Variants in NCKAP5 observed in about 807,000 individuals in gnomAD.
The protein encoded by NCKAP5 is NCK associated protein 5.
NCKAP5 carries 92 observed loss-of-function variants against 167.0 expected under a neutral mutation model. The observed-to-expected ratio is 0.55, with a 90% CI of 0.47 to 0.66. The LOEUF (loss-of-function observed/expected upper bound fraction) is 0.66. Ranked by LOEUF, NCKAP5 falls within the 30% of genes least tolerant of loss-of-function variation. The pLI is 0.00. For missense variants in NCKAP5, 2,378 were observed against 2,315.0 expected, an observed-to-expected ratio of 1.03 and a Z score of -0.56; for synonymous variants, 891 against 877.4, an observed-to-expected ratio of 1.02 and a Z score of -0.27.
chr2:132,736,365 GT>G (rs889371385), intron 16 of NCKAP5, among the ~76,000 whole-genome samples: 44 of 152,102 alleles, frequency 2.9e-4, no homozygotes, highest in Admixed American at 3.3e-4. Flanking sequence ...TCTGAAGCCA[GT>G]TTTTTTTCTC....
Position 133,082,584 on chromosome 2 carries a change from C to T in NCKAP5, c.341+47394G>A, listed in dbSNP as rs546308897. Reference sequence around the variant, plus strand: ...TGCCAGCATTTCCATCTTTCTTACCCACTTCTGCCATGTTGAAGCTCAGCT... The same window carrying T: ...TGCCAGCATTTCCATCTTTCTTACCTACTTCTGCCATGTTGAAGCTCAGCT... On this transcript the variant is annotated intron_variant, in intron 6 of 19. Coordinates refer to ENST00000409261, the MANE Select transcript of NCKAP5 (RefSeq NM_207363.3). Among the ~76,000 whole-genome samples, 262 of 152,196 alleles carry T rather than the reference C, an allele frequency of 1.7e-3. 1 individual carries two copies. Among genetic ancestry groups the T allele is most frequent in the African/African-American group, 5.8e-3 (240 of 41,534 alleles).
chr2:133,385,631 C>A (rs1686894854), intron 3 of NCKAP5, among the ~76,000 whole-genome samples: 1 of 152,112 alleles, frequency 6.6e-6, no homozygotes, highest in East Asian at 1.9e-4. Context: ...GGTACCAGCC[C>A]CTCCTTGTAC....
intron 3 of NCKAP5, among the ~76,000 whole-genome samples, chr2:133,415,087 G>T (rs756674142): frequency 3.9e-5 from 6 of 152,194 alleles, no homozygotes; most frequent in South Asian, 2.1e-4. Flanking sequence ...GTCTCAGATT[G>T]ATTCAGTTTG....
chr2:133,369,213 G>C (rs1194280418), intron 3 of NCKAP5, among the ~76,000 whole-genome samples: 2 of 152,230 alleles, frequency 1.3e-5, no homozygotes. Context: ...GAATGTTCCA[G>C]AAGTGGCATG....
chr2:132,825,809 C>T (rs931374071), intron 11 of NCKAP5, among the ~76,000 whole-genome samples: 5 of 152,238 alleles, frequency 3.3e-5, no homozygotes, highest in Non-Finnish European at 7.3e-5. Flanking sequence ...TCTTACACAA[C>T]ATACTTATGT....
chr2:133,018,626 T>C (rs1353245633), intron 6 of NCKAP5, among the ~76,000 whole-genome samples: 1 of 152,222 alleles, frequency 6.6e-6, no homozygotes, highest in African/African-American at 2.4e-5. Context: ...CACCTAGAAC[T>C]GTGCACAGCA....
intron 2 of NCKAP5, among the ~76,000 whole-genome samples, chr2:133,547,112 G>A (rs1686771467): frequency 2.6e-5 from 4 of 152,212 alleles, no homozygotes; most frequent in African/African-American, 2.4e-5. Flanking sequence ...AAAGAAAGGG[G>A]TGACGGACGC....
At chr2:133,612,091 T>C in the NCKAP5 span, among the ~76,000 whole-genome samples, 1 of 152,146 alleles carries the variant, frequency 6.6e-6, no homozygotes, top group South Asian at 2.1e-4. Flanking sequence ...CTGGCTGCCA[T>C]TGATAGGATA....
At chr2:132,711,527 C>T (rs576531995) in intron 19 of NCKAP5, among the ~76,000 whole-genome samples, 62 of 152,304 alleles carry the variant, frequency 4.1e-4, no homozygotes, top group African/African-American at 1.4e-3. Flanking sequence ...ACTCCAAAAC[C>T]TTTTTGAACA....
At chr2:133,666,043 G>A in the NCKAP5 span, among the ~76,000 whole-genome samples, 2 of 151,890 alleles carry the variant, frequency 1.3e-5, no homozygotes, top group Non-Finnish European at 2.9e-5. Flanking sequence ...TTTAATGGAA[G>A]TACTTTCTAG....
chr2:132,774,150 T>C (rs1376154782), intron 15 of NCKAP5, among the ~76,000 whole-genome samples: 2 of 152,220 alleles, frequency 1.3e-5, no homozygotes, highest in Non-Finnish European at 2.9e-5. Context: ...ACCTCATTTC[T>C]GAAGGAGAGA....
intron 7 of NCKAP5, among the ~76,000 whole-genome samples, chr2:132,984,819 A>T (rs573798841): frequency 9.2e-5 from 14 of 151,740 alleles, no homozygotes; most frequent in African/African-American, 3.1e-4. Context: ...AAGTAAGGTC[A>T]AAGTTCAAGG....
At chr2:133,317,161 G>C (rs1028278482) in intron 3 of NCKAP5, among the ~76,000 whole-genome samples, 7 of 151,940 alleles carry the variant, frequency 4.6e-5, no homozygotes, top group African/African-American at 1.2e-4. Flanking sequence ...GAACATGAAA[G>C]CAAACCAAAA....
chr2:132,695,296 T>A (rs897590525), intron 19 of NCKAP5, among the ~76,000 whole-genome samples: 1 of 152,278 alleles, frequency 6.6e-6, no homozygotes, highest in South Asian at 2.1e-4. Flanking sequence ...AAAAAAAGTC[T>A]GTTATTTTCT....
At chr2:132,976,542 T>A (rs1573610800) in intron 7 of NCKAP5, among the ~76,000 whole-genome samples, 1 of 130,176 alleles carries the variant, frequency 7.7e-6, no homozygotes, top group Non-Finnish European at 1.5e-5. Context: ...CCAGCCTGGG[T>A]GACAGAGCGA....
intron 4 of NCKAP5, among the ~76,000 whole-genome samples, chr2:133,260,363 A>C (rs889655623): frequency 6.6e-6 from 1 of 152,216 alleles, no homozygotes; most frequent in African/African-American, 2.4e-5. Context: ...TTTAGTTGGA[A>C]CTTATTTGGT....
intron 16 of NCKAP5, among the ~76,000 whole-genome samples, chr2:132,751,977 G>A (rs1680153428): frequency 6.6e-6 from 1 of 152,230 alleles, no homozygotes; most frequent in Non-Finnish European, 1.5e-5. Context: ...CAGTCTTCTT[G>A]TAGAACAGGG....
At chr2:133,017,182 A>G (rs1428601425) in intron 6 of NCKAP5, among the ~76,000 whole-genome samples, 3 of 152,238 alleles carry the variant, frequency 2.0e-5, no homozygotes, top group Non-Finnish European at 4.4e-5. Context: ...CTAATGTCTC[A>G]TGTCAAAACC....
intron 16 of NCKAP5, among the ~76,000 whole-genome samples, chr2:132,741,754 C>G (rs763351673): frequency 1.3e-5 from 2 of 152,088 alleles, no homozygotes; most frequent in Non-Finnish European, 2.9e-5. Context: ...TCCTTAATTG[C>G]CATTTTTCTA....
Sources: allele counts gnomAD v4.1 joint callset (sites outside exome capture counted in the v4.1 genomes callset), GRCh38; gene constraint gnomAD v4.1.1; transcripts MANE v1.5; gene names NCBI Gene and HGNC (gene_info 2026-07-23, HGNC 2026-07-21).